LUZP2: variants seen among roughly 807,000 people sequenced by gnomAD.
The protein encoded by LUZP2 is leucine zipper protein 2.
A neutral mutation model predicts 51.6 loss-of-function variants in LUZP2; 52 were observed. The observed-to-expected ratio is 1.01, with a 90% confidence interval of 0.81 to 1.27. LUZP2 has a LOEUF of 1.27. Ranked by LOEUF, LUZP2 falls within the 50% of genes most tolerant of loss-of-function variation. LUZP2 has a pLI of 0.00. For missense variants in LUZP2, 436 were observed against 395.4 expected (o/e 1.10, Z -0.87); for synonymous variants, 154 against 137.3 (o/e 1.12, Z -0.85).
intron 1 of LUZP2, among the ~76,000 whole-genome samples, chr11:24,728,813 T>G (rs1267300888): frequency 1.3e-5 from 2 of 151,934 alleles, no homozygotes. Flanking sequence ...TACCTGAGAC[T>G]GGGTAATTTA....
At chr11:24,677,200 T>G (rs1034195811) in intron 1 of LUZP2, among the ~76,000 whole-genome samples, 2 of 152,214 alleles carry the variant, frequency 1.3e-5, no homozygotes, top group Non-Finnish European at 2.9e-5. Flanking sequence ...GCCGCCCTCA[T>G]GCTTCCATTC....
intron 9 of LUZP2, among the ~76,000 whole-genome samples, chr11:25,001,457 G>C (rs1258642903): frequency 1.3e-5 from 2 of 152,112 alleles, no homozygotes; most frequent in African/African-American, 4.8e-5. Flanking sequence ...AATTAATTAA[G>C]ATTTAGATCC....
intron 5 of LUZP2, among the ~76,000 whole-genome samples, chr11:24,796,474 T>A (rs1849547151): frequency 6.7e-6 from 1 of 148,236 alleles, no homozygotes; most frequent in Non-Finnish European, 1.5e-5. Flanking sequence ...ACTATAATTT[T>A]GTATGGTAAT....
chr11:24,709,068 G>A (rs1442083518), intron 1 of LUZP2, among the ~76,000 whole-genome samples: 1 of 152,088 alleles, frequency 6.6e-6, no homozygotes, highest in African/African-American at 2.4e-5. Flanking sequence ...GCAAAGAAGA[G>A]GATTTTCAGT....
At chr11:24,514,199 T>C (rs1274735224) in intron 1 of LUZP2, among the ~76,000 whole-genome samples, 1 of 152,058 alleles carries the variant, frequency 6.6e-6, no homozygotes, top group African/African-American at 2.4e-5. Context: ...ATGCAGAGAG[T>C]AACTAGTTGG....
intron 5 of LUZP2, among the ~76,000 whole-genome samples, chr11:24,810,762 T>C (rs1431121668): frequency 6.6e-6 from 1 of 152,048 alleles, no homozygotes; most frequent in Non-Finnish European, 1.5e-5. Flanking sequence ...AAGAATAAAT[T>C]AGGTCATAAA....
Position 25,082,231 on chromosome 11 carries a change from A to G in LUZP2, c.*3573A>G, listed in dbSNP as rs895542777. ...GCTGTTTCAGATACAGATCTGTTTC[A>G]TCAAATATCCTCAATTACAAGTCTA... On this transcript the variant is annotated 3_prime_UTR_variant, in exon 12 of 12. Transcript: ENST00000336930. The G allele has an allele frequency of 1.3e-5, 2 of 152,632 alleles. No individual in the cohort carries two copies. Among genetic ancestry groups the G allele is most frequent in the African/African-American group, 4.8e-5 (2 of 41,464 alleles). The allele number at this position is 152,632 out of a possible 1,614,324, so 9.5% of individuals were successfully genotyped here.
chr11:24,729,941 G>A (rs550760501), intron 2 of LUZP2, among the ~76,000 whole-genome samples: 1 of 151,850 alleles, frequency 6.6e-6, no homozygotes, highest in Admixed American at 6.6e-5. Flanking sequence ...TAATGTTTAG[G>A]AAAGATATGT....
chr11:25,058,043 A>G (rs1021325155), intron 10 of LUZP2, among the ~76,000 whole-genome samples: 16 of 151,594 alleles, frequency 1.1e-4, no homozygotes, highest in African/African-American at 3.4e-4. Flanking sequence ...TAGGCAAGTC[A>G]TACCCTGCTG....
intron 1 of LUZP2, among the ~76,000 whole-genome samples, chr11:24,652,933 A>G (rs1333054704): frequency 6.6e-6 from 1 of 152,086 alleles, no homozygotes; most frequent in Non-Finnish European, 1.5e-5. Flanking sequence ...AGTAACCTTT[A>G]TTGGATTCTT....
chr11:24,792,515 T>A (rs1849436180), intron 5 of LUZP2, among the ~76,000 whole-genome samples: 1 of 152,126 alleles, frequency 6.6e-6, no homozygotes, highest in Admixed American at 6.6e-5. Flanking sequence ...AGTGCTGTGT[T>A]GGTTTTTTTT....
intron 1 of LUZP2, among the ~76,000 whole-genome samples, chr11:24,671,002 G>A (rs560895807): frequency 6.6e-6 from 1 of 151,718 alleles, no homozygotes; most frequent in African/African-American, 2.4e-5. Flanking sequence ...CTTTCTCAAA[G>A]ATGTCCTGGG....
chr11:24,756,866 A>G (rs893405956), intron 4 of LUZP2, among the ~76,000 whole-genome samples: 3 of 152,208 alleles, frequency 2.0e-5, no homozygotes, highest in Non-Finnish European at 4.4e-5. Context: ...GTCATGGCCT[A>G]TAGAACTTCT....
At chr11:24,826,491 C>T (rs1267048938) in intron 5 of LUZP2, among the ~76,000 whole-genome samples, 4 of 150,986 alleles carry the variant, frequency 2.6e-5, no homozygotes, top group Non-Finnish European at 5.9e-5. Context: ...CACTAGAAAG[C>T]CTTTCTTCTT....
At chr11:24,524,688 G>A (rs1850741093) in intron 1 of LUZP2, among the ~76,000 whole-genome samples, 1 of 151,686 alleles carries the variant, frequency 6.6e-6, no homozygotes, top group African/African-American at 2.4e-5. Context: ...GTAATTATGA[G>A]ATATTGAATA....
intron 1 of LUZP2, among the ~76,000 whole-genome samples, chr11:24,524,790 T>C (rs972527560): frequency 6.6e-6 from 1 of 151,694 alleles, no homozygotes; most frequent in Non-Finnish European, 1.5e-5. Context: ...TTAAATTCAT[T>C]CCAAATCAAT....
At chr11:24,572,868 A>G (rs1473402794) in intron 1 of LUZP2, among the ~76,000 whole-genome samples, 1 of 152,074 alleles carries the variant, frequency 6.6e-6, no homozygotes, top group Admixed American at 6.6e-5. Flanking sequence ...TTCTGAGTAA[A>G]GAAGAAAAAT....
At chr11:24,506,548 T>G (rs1850151299) in intron 1 of LUZP2, among the ~76,000 whole-genome samples, 1 of 152,082 alleles carries the variant, frequency 6.6e-6, no homozygotes, top group Non-Finnish European at 1.5e-5. Flanking sequence ...CATGACAGTT[T>G]AGAAAGATAT....
intron 7 of LUZP2, among the ~76,000 whole-genome samples, chr11:24,945,677 A>G (rs1482416422): frequency 1.3e-5 from 2 of 152,106 alleles, no homozygotes; most frequent in African/African-American, 4.8e-5. Context: ...TGAACATTGG[A>G]TAATAGAGGT....
Sources: gnomAD v4.1 joint callset for allele counts (sites outside exome capture counted in the v4.1 genomes callset) on GRCh38, gnomAD v4.1.1 for gene constraint, MANE v1.5 for transcripts, NCBI Gene and HGNC (gene_info 2026-07-23, HGNC 2026-07-21) for gene names.